The following LMF1 variants were observed in gnomAD, a reference collection of about 807,000 sequenced individuals.
The protein encoded by LMF1 is transmembrane protein 112.
A neutral mutation model predicts 60.6 loss-of-function variants in LMF1; 68 were observed. That is an observed-to-expected ratio of 1.12 (90% CI 0.92 to 1.37). LMF1 has a LOEUF of 1.37. LMF1 is among the 40% of genes most tolerant of loss of function. LMF1 has a pLI of 0.00. For synonymous variants in LMF1, 418 were observed against 324.7 expected, an observed-to-expected ratio of 1.29 and a Z score of -3.09; for missense variants, 948 against 767.2, an observed-to-expected ratio of 1.24 and a Z score of -2.78.
At chr16:972,575 C>T (rs187496038), upstream of LMF1, among the ~76,000 whole-genome samples, 8 of 152,300 alleles carry the variant, frequency 5.3e-5, no homozygotes, top group East Asian at 1.9e-4. Context: ...GCCTGCAGAG[C>T]GGGCCCTGTC....
At chr16:913,357 C>T (rs971990101) in intron 3 of LMF1, among the ~76,000 whole-genome samples, 2 of 152,254 alleles carry the variant, frequency 1.3e-5, no homozygotes, top group East Asian at 1.9e-4. Context: ...CTCCTTCCTG[C>T]GACACAGACA....
chr16:915,231 A>T (rs2151760231), intron 3 of LMF1, among the ~76,000 whole-genome samples: 1 of 152,282 alleles, frequency 6.6e-6, no homozygotes, highest in East Asian at 1.9e-4. Flanking sequence ...CCCTGTGTGC[A>T]TAGGTGTGAG....
rs933467212 is a variant in LMF1, at chr16:874,473, G to T, written c.898-3132C>A. Among the ~76,000 whole-genome samples, 1 of 152,222 alleles carries T rather than the reference G, an allele frequency of 6.6e-6. No individual in the cohort carries two copies. The highest frequency in any genetic ancestry group is 2.4e-5 in the African/African-American group (1 of 41,450). ...GGGGCTGCGTCTCCCTGTCACCAGT[G>T]CCCTAGTGGAGGCTGATGGCTCCCG... On this transcript the variant is annotated intron_variant, in intron 6 of 10. Coordinates refer to ENST00000262301, the MANE Select transcript of LMF1 (RefSeq NM_022773.4). The surrounding 1 kb of genome is among the most constrained non-coding windows in gnomAD (Gnocchi z 4.1).
At position 893,025 on chromosome 16, in the gene LMF1, G is replaced by A; in HGVS notation, c.711C>T (p.Cys237=). Residue 237 remains cysteine (C), a synonymous_variant, in exon 5 of 11, where the codon TGC becomes TGT. Transcript: ENST00000262301. Reference sequence around the variant, plus strand: ...CGCTCACCTCATAGTGGAAGTCCATGCAGGTGAGGTCTCGCCAGCACCGGT... The same window carrying A: ...CGCTCACCTCATAGTGGAAGTCCATACAGGTGAGGTCTCGCCAGCACCGGT... The part of the protein sequence containing the change: ...RGDRCWRDLT[C]MDFHYETQPM... 1 of 1,551,196 alleles carries A rather than the reference G, an allele frequency of 6.4e-7. No individual in the cohort carries two copies.
At chr16:894,732 G>T (rs892188031) in intron 4 of LMF1, among the ~76,000 whole-genome samples, 2 of 152,342 alleles carry the variant, frequency 1.3e-5, no homozygotes, top group East Asian at 3.9e-4. Flanking sequence ...TTGCCCACAC[G>T]GTGGGAAGAG....
chr16:875,627 C>T (rs879494024), intron 6 of LMF1, among the ~76,000 whole-genome samples: 29 of 152,262 alleles, frequency 1.9e-4, no homozygotes, highest in Non-Finnish European at 2.9e-4. Context: ...ACAGGGTACA[C>T]GGGCCATGGA....
In LMF1 at chr16:922,392, G is replaced by A. The variant is rs113620324; in HGVS notation, c.515-11313C>T. The stretch of plus-strand genomic sequence containing the variant: ...AGGTAGGCAGAATGGCAGGCAGAGC[G>A]GCCACTGGGGAACTGATCCAGCAGG... On this transcript the variant is annotated intron_variant, in intron 3 of 10. Transcript: ENST00000262301. 3.2e-3 allele frequency among the ~76,000 whole-genome samples: 486 copies of A among 152,332 alleles called. 5 individuals carry two copies. The highest frequency in any genetic ancestry group is 0.011 in the African/African-American group (440 of 41,572).
In LMF1 at chr16:897,266, C is replaced by A. The variant is rs1374651197; in HGVS notation, c.664-4194G>T. Among the ~76,000 whole-genome samples the A allele has an allele frequency of 6.6e-6, 1 of 152,202 alleles. No homozygotes were observed. The highest frequency in any genetic ancestry group is 6.5e-5 in the Admixed American group (1 of 15,284). ...GAGAAGGAGACACTCTGTGGAGACC[C>A]CGCTTCTCTCACTTGGCCCCCAGAG... On this transcript the variant is annotated intron_variant, in intron 4 of 10. Coordinates refer to ENST00000262301, the MANE Select transcript of LMF1 (RefSeq NM_022773.4). This position sits in a 1 kb window ranked among gnomAD's most constrained non-coding sequence, Gnocchi z 4.3.
At chr16:881,823 C>A (rs576015485) in intron 5 of LMF1, among the ~76,000 whole-genome samples, 25 of 152,360 alleles carry the variant, frequency 1.6e-4, no homozygotes, top group African/African-American at 5.8e-4. Context: ...GAAGTCCCAG[C>A]TCTTGGTCTG....
chr16:974,545 G>A (rs984603645), upstream of LMF1, among the ~76,000 whole-genome samples: 2 of 152,204 alleles, frequency 1.3e-5, no homozygotes, highest in East Asian at 1.9e-4. Flanking sequence ...AGGAAGGGAC[G>A]GACACCCCAA....
rs2071907847 is a variant in LMF1 at position 935,284 on chromosome 16, G to A, written c.504-1030C>T. 2.0e-5 allele frequency among the ~76,000 whole-genome samples: 3 copies of A among 152,018 alleles called. No homozygotes were observed. The South Asian group carries it at 6.2e-4, about 31-fold the overall frequency. On this transcript the variant is annotated intron_variant, in intron 2 of 10. Transcript: ENST00000262301. ...CCCACTAATTTTTGTATTTTCTATA[G>A]AGGTTTTGCCATGTTGCCCTGGCTG...
At chr16:872,996 G>C (rs892251146) in intron 6 of LMF1, 1 of 152,234 alleles carries the variant, frequency 6.6e-6, no homozygotes, top group Non-Finnish European at 1.5e-5. Context: ...GGGCTCAGTG[G>C]GGAACTCTAG....
At chr16:870,645 C>T in intron 8 of LMF1, 84 bp downstream of exon 8, 1 of 1,526,608 alleles carries the variant, frequency 6.6e-7, no homozygotes, top group East Asian at 2.2e-5. Flanking sequence ...GGGGCCTGCA[C>T]TGTAACCCCA....
At chr16:900,940 T>C (rs2070795475) in intron 4 of LMF1, 1 of 152,190 alleles carries the variant, frequency 6.6e-6, no homozygotes, top group South Asian at 2.1e-4. Flanking sequence ...GCGATGCCTC[T>C]GCCAGGCAAA....
intron 3 of LMF1, among the ~76,000 whole-genome samples, chr16:916,100 A>G (rs1438195332): frequency 6.6e-6 from 1 of 152,204 alleles, no homozygotes; most frequent in Non-Finnish European, 1.5e-5. Context: ...TGACCAAGGA[A>G]GAAACGTGAT....
At chr16:882,088 G>C (rs545294467) in intron 5 of LMF1, among the ~76,000 whole-genome samples, 1 of 152,334 alleles carries the variant, frequency 6.6e-6, no homozygotes, top group Non-Finnish European at 1.5e-5. Flanking sequence ...ACCTGGGAAA[G>C]GGCCACAGCA....
chr16:955,080 G>A (rs973273213), intron 1 of LMF1, among the ~76,000 whole-genome samples: 1 of 149,966 alleles, frequency 6.7e-6, no homozygotes, highest in African/African-American at 2.4e-5. Context: ...TAAAATGCGT[G>A]CCCGCAGCAG....
intron 3 of LMF1, among the ~76,000 whole-genome samples, chr16:919,087 T>G (rs1246871390): frequency 1.3e-5 from 2 of 151,792 alleles, no homozygotes; most frequent in African/African-American, 4.8e-5. Context: ...CGGCGTGGAC[T>G]CCCAGGCTGC....
chr16:857,728 GCGTGGTGTCTCGGGACGGGTGTGC>G (rs2069246531), intron 10 of LMF1, among the ~76,000 whole-genome samples: 4 of 79,992 alleles, frequency 5.0e-5, no homozygotes, highest in Non-Finnish European at 8.6e-5. Context: ...GGACGGGTGT[GCGTGGTGTCTCGGGACGGGTGTGC>G]AGTGGTGTCT....
Sources: allele counts gnomAD v4.1 joint callset (sites outside exome capture counted in the v4.1 genomes callset), GRCh38; gene constraint gnomAD v4.1.1; non-coding constraint Gnocchi (gnomAD v3.1); transcripts MANE v1.5; gene names NCBI Gene and HGNC (gene_info 2026-07-23, HGNC 2026-07-21).